EYA3: variants seen among roughly 807,000 people sequenced by gnomAD.
The protein encoded by EYA3 is protein phosphatase EYA3.
EYA3 carries 39 observed loss-of-function variants against 80.0 expected under a neutral mutation model. That is an observed-to-expected ratio of 0.49 (90% confidence interval 0.38 to 0.64). The LOEUF (loss-of-function observed/expected upper bound fraction) is 0.64. Ranked by LOEUF, EYA3 falls within the 30% of genes least tolerant of loss-of-function variation. EYA3 has a pLI of 0.00. For missense variants in EYA3, 523 were observed against 676.1 expected, an observed-to-expected ratio of 0.77 and a Z score of 2.51; for synonymous variants, 206 against 232.8, an observed-to-expected ratio of 0.88 and a Z score of 1.05.
At chr1:27,988,401 T>C (rs1639808768) in intron 16 of EYA3, 134 bp downstream of exon 16, 3 of 987,680 alleles carry the variant, frequency 3.0e-6, no homozygotes, top group South Asian at 2.0e-5. Context: ...ACTGAAAATA[T>C]TAGAAGACTG....
chr1:28,018,836 T>C (rs1421637403), intron 7 of EYA3, among the ~76,000 whole-genome samples: 1 of 152,224 alleles, frequency 6.6e-6, no homozygotes, highest in Non-Finnish European at 1.5e-5. Context: ...CCAGTGCTTC[T>C]TCCTCAGGGT....
chr1:28,075,074 A>T (rs1645155094), intron 1 of EYA3, among the ~76,000 whole-genome samples: 1 of 152,150 alleles, frequency 6.6e-6, no homozygotes, highest in South Asian at 2.1e-4. Context: ...CATACCTTTC[A>T]CATTCAGCCA....
chr1:27,988,994 CA>C (rs1639850626), intron 15 of EYA3, among the ~76,000 whole-genome samples: 1 of 152,162 alleles, frequency 6.6e-6, no homozygotes, highest in Admixed American at 6.5e-5. Flanking sequence ...AAACAAACAA[CA>C]AAAAGCTCTG....
chr1:28,072,123 T>C (rs1645038587), intron 1 of EYA3, among the ~76,000 whole-genome samples: 1 of 152,216 alleles, frequency 6.6e-6, no homozygotes, highest in Non-Finnish European at 1.5e-5. Context: ...AAAAAAATTA[T>C]GTGACATATA....
intron 16 of EYA3, among the ~76,000 whole-genome samples, chr1:27,986,641 C>T (rs561694108): frequency 6.6e-6 from 1 of 152,272 alleles, no homozygotes; most frequent in African/African-American, 2.4e-5. Flanking sequence ...AAGTGATCCA[C>T]CTGCCTTGGC....
rs371765443 is a variant in EYA3 at position 28,027,765 on chromosome 1, A to G, written c.499+24T>C. 6 of 1,612,356 alleles carry G rather than the reference A, an allele frequency of 3.7e-6. No homozygotes were observed. In the South Asian group the frequency reaches 6.6e-5, roughly 18 times the overall value. ...GAAACAATAATAATAATTTTAAAACACACACACAACCATGCCTATTTACCT... is the reference window on the plus strand; with the variant it reads ...GAAACAATAATAATAATTTTAAAACGCACACACAACCATGCCTATTTACCT... On this transcript the variant is annotated intron_variant, in intron 7 of 17. Transcript: ENST00000373871.
intron 17 of EYA3, chr1:27,977,486 T>C (rs1638998060): frequency 1.7e-6 from 2 of 1,190,796 alleles, no homozygotes; most frequent in Non-Finnish European, 1.2e-6. Context: ...CAAATTCACA[T>C]AGCTGAGACA....
intron 6 of EYA3, among the ~76,000 whole-genome samples, chr1:28,030,537 T>C (rs1443466155): frequency 1.3e-5 from 2 of 152,228 alleles, no homozygotes; most frequent in Admixed American, 1.3e-4. Context: ...TCCTCCTGCC[T>C]TGACCTCCCA....
At chr1:27,997,692 AGACT>A (rs1251292823) in intron 12 of EYA3, among the ~76,000 whole-genome samples, 1 of 152,204 alleles carries the variant, frequency 6.6e-6, no homozygotes, top group Non-Finnish European at 1.5e-5. Flanking sequence ...GTCCTACACC[AGACT>A]GTAAGTCCTA....
intron 13 of EYA3, among the ~76,000 whole-genome samples, chr1:27,995,222 C>A (rs747573628): frequency 4.7e-5 from 7 of 148,730 alleles, no homozygotes; most frequent in Non-Finnish European, 8.9e-5. Context: ...CTGGGCAACA[C>A]AGGGAGACCC....
At chr1:28,004,252 G>C in intron 11 of EYA3, 84 bp downstream of exon 11, 3 of 952,368 alleles carry the variant, frequency 3.2e-6, no homozygotes. Context: ...AGGGGTAGCA[G>C]AGAAATAATT....
At chr1:28,056,109 G>A (rs912672429) in intron 2 of EYA3, among the ~76,000 whole-genome samples, 1 of 151,866 alleles carries the variant, frequency 6.6e-6, no homozygotes, top group African/African-American at 2.4e-5. Flanking sequence ...ATTAATTACA[G>A]AGCCAAACTC....
intron 11 of EYA3, among the ~76,000 whole-genome samples, chr1:28,000,516 G>C (rs1252041501): frequency 1.3e-5 from 2 of 152,100 alleles, no homozygotes; most frequent in African/African-American, 4.8e-5. Context: ...GTTTCACTAT[G>C]TTAGCCAGGA....
intron 16 of EYA3, among the ~76,000 whole-genome samples, chr1:27,985,828 C>T (rs1639621088): frequency 2.0e-5 from 3 of 151,802 alleles, no homozygotes; most frequent in Admixed American, 6.6e-5. Flanking sequence ...GTAATCAGCC[C>T]GTCTTGGCCT....
At chr1:28,063,700 T>G (rs534181018) in intron 1 of EYA3, among the ~76,000 whole-genome samples, 1 of 152,282 alleles carries the variant, frequency 6.6e-6, no homozygotes, top group Admixed American at 6.5e-5. Context: ...CAAATTTGAA[T>G]TATGAATTCA....
At chr1:28,025,853 C>T (rs1642749874) in intron 7 of EYA3, among the ~76,000 whole-genome samples, 1 of 152,198 alleles carries the variant, frequency 6.6e-6, no homozygotes, top group African/African-American at 2.4e-5. Flanking sequence ...CTCCGCCTCA[C>T]AGGTTCAAGC....
chr1:28,051,662 G>A (rs556604200), intron 2 of EYA3, among the ~76,000 whole-genome samples: 1 of 152,232 alleles, frequency 6.6e-6, no homozygotes, highest in Non-Finnish European at 1.5e-5. Flanking sequence ...ACTCCAGCCT[G>A]GGTGACAAGG....
chr1:28,066,210 G>C (rs1644832821), intron 1 of EYA3, among the ~76,000 whole-genome samples: 1 of 152,072 alleles, frequency 6.6e-6, no homozygotes, highest in African/African-American at 2.4e-5. Context: ...TCAGATCAGT[G>C]CACAATTTTA....
chr1:27,996,303 A>T (rs185881329), intron 13 of EYA3, among the ~76,000 whole-genome samples: 1 of 152,246 alleles, frequency 6.6e-6, no homozygotes, highest in African/African-American at 2.4e-5. Flanking sequence ...ACTTGGTTCA[A>T]TCAAAAGTTA....
Sources: gnomAD v4.1 joint callset for allele counts (sites outside exome capture counted in the v4.1 genomes callset) on GRCh38, gnomAD v4.1.1 for gene constraint, MANE v1.5 for transcripts, NCBI Gene and HGNC (gene_info 2026-07-23, HGNC 2026-07-21) for gene names.